FAM135B: variants seen among roughly 807,000 people sequenced by gnomAD.
FAM135B encodes the protein family with sequence similarity 135 member B, also known as protein FAM135B.
In FAM135B, 43 loss-of-function variants were observed where a neutral mutation model predicts 127.7. The ratio of observed to expected loss-of-function variants is 0.34; its 90% confidence interval spans 0.26 to 0.43. FAM135B has a LOEUF of 0.43. Among genes scored for constraint, FAM135B ranks in the 20% least tolerant of loss-of-function variants. The probability of loss-of-function intolerance (pLI) is 1.00; values close to 1 mark genes in which losing one functional copy is unlikely to be tolerated. For synonymous variants in FAM135B, 670 were observed against 665.1 expected, an observed-to-expected ratio of 1.01 and a Z score of -0.11; for missense variants, 1,558 against 1,725.6, an observed-to-expected ratio of 0.90 and a Z score of 1.72.
At chr8:138,185,680 T>A (rs7004639) in intron 9 of FAM135B, among the ~76,000 whole-genome samples, 1 of 152,082 alleles carries the variant, frequency 6.6e-6, no homozygotes, top group African/African-American at 2.4e-5. Flanking sequence ...CAATTTGGGA[T>A]CTCCCAGAAG....
chr8:138,462,937 C>G (rs1837208080), intron 1 of FAM135B, among the ~76,000 whole-genome samples: 2 of 152,156 alleles, frequency 1.3e-5, no homozygotes, highest in African/African-American at 2.4e-5. Flanking sequence ...TCTGTATTCT[C>G]ATCCAAAAAT....
At chr8:138,268,658 C>T (rs1173782629) in intron 3 of FAM135B, among the ~76,000 whole-genome samples, 1 of 152,162 alleles carries the variant, frequency 6.6e-6, no homozygotes, top group Non-Finnish European at 1.5e-5. Flanking sequence ...ACCCACTATC[C>T]TCACTCCTCC....
intron 3 of FAM135B, among the ~76,000 whole-genome samples, chr8:138,278,497 C>T (rs901866659): frequency 2.0e-5 from 3 of 150,736 alleles, no homozygotes; most frequent in Non-Finnish European, 4.4e-5. Flanking sequence ...CTTTAGACCA[C>T]TGTGGTACTG....
chr8:138,445,280 G>A (rs1232659605), intron 1 of FAM135B, among the ~76,000 whole-genome samples: 2 of 152,086 alleles, frequency 1.3e-5, no homozygotes, highest in Non-Finnish European at 1.5e-5. Flanking sequence ...AGAAAAAGAG[G>A]GAATCCTCCC....
chr8:138,222,376 A>G (rs943091026), intron 7 of FAM135B, among the ~76,000 whole-genome samples: 2 of 152,030 alleles, frequency 1.3e-5, no homozygotes, highest in Non-Finnish European at 2.9e-5. Context: ...TATTTATTCT[A>G]TATATGCCCC....
Position 138,394,979 on chromosome 8 carries a change from G to A in FAM135B, c.-19-26977C>T, listed in dbSNP as rs115823830. Among the ~76,000 whole-genome samples the A allele has an allele frequency of 2.3e-3, 356 of 152,254 alleles. 1 individual carries two copies. The highest frequency in any genetic ancestry group is 8.3e-3 in the African/African-American group (343 of 41,546). ...CAAATCATTTAATGGACATGATTGGGTCACTTGTGTCCCTTCTCTTGACTT... is the reference window on the plus strand; with the variant it reads ...CAAATCATTTAATGGACATGATTGGATCACTTGTGTCCCTTCTCTTGACTT... On this transcript the variant is annotated intron_variant, in intron 1 of 19. Transcript: ENST00000395297.
At chr8:138,435,296 CA>C (rs974266694) in intron 1 of FAM135B, among the ~76,000 whole-genome samples, 3 of 150,942 alleles carry the variant, frequency 2.0e-5, no homozygotes, top group African/African-American at 7.3e-5. Context: ...GACTCCATCT[CA>C]AAAAAATAAA....
At chr8:138,270,971 C>T (rs1014247926) in intron 3 of FAM135B, among the ~76,000 whole-genome samples, 5 of 152,220 alleles carry the variant, frequency 3.3e-5, no homozygotes, top group African/African-American at 1.2e-4. Flanking sequence ...ATTCTAAAGA[C>T]CTATGCTTCA....
chr8:138,333,938 G>T (rs898317761), intron 2 of FAM135B, among the ~76,000 whole-genome samples: 2 of 151,988 alleles, frequency 1.3e-5, no homozygotes, highest in African/African-American at 4.8e-5. Context: ...AGGGGAGGGG[G>T]GAACGGAGGA....
In FAM135B at chr8:138,218,764, C is replaced by CAG. The variant is rs1462758998; in HGVS notation, c.670-21096_670-21095insCT. On this transcript the variant is annotated intron_variant, in intron 7 of 19. Transcript: ENST00000395297. ...TCCCAAACTTACACGCACACACACA[C>CAG]ACAGAGAGAGAGAGAGAGAGAGAGA... Among the ~76,000 whole-genome samples, 20 of 67,482 alleles carry CAG rather than the reference C, an allele frequency of 3.0e-4. No homozygotes were observed. The South Asian group carries it at 4.5e-3, about 15-fold the overall frequency. The allele number at this position is 67,482 out of a possible 152,430, so 44.3% of individuals were successfully genotyped here.
chr8:138,482,753 A>C (rs1814833925), intron 1 of FAM135B, among the ~76,000 whole-genome samples: 1 of 152,240 alleles, frequency 6.6e-6, no homozygotes, highest in African/African-American at 2.4e-5. Context: ...GACCAATGCC[A>C]GTAGCAAAGT....
In FAM135B at chr8:138,371,763, T is replaced by A. The variant is rs144291544; in HGVS notation, c.-19-3761A>T. On this transcript the variant is annotated intron_variant, in intron 1 of 19. Coordinates refer to ENST00000395297, the MANE Select transcript of FAM135B (RefSeq NM_015912.4). The stretch of plus-strand genomic sequence containing the variant: ...CCCAACCCGAAATACACCGGCACCA[T>A]GTGCACACACACCACAGACATCTTC... 1.9e-4 allele frequency among the ~76,000 whole-genome samples: 29 copies of A among 152,280 alleles called. No individual in the cohort carries two copies. In the East Asian group the frequency reaches 3.9e-3, roughly 20 times the overall value.
intron 1 of FAM135B, among the ~76,000 whole-genome samples, chr8:138,394,515 T>C (rs1832756348): frequency 6.6e-6 from 1 of 152,116 alleles, no homozygotes; most frequent in Admixed American, 6.5e-5. Flanking sequence ...ATTATTCAGG[T>C]CTTGCCAATA....
chr8:138,208,487 T>G (rs961935331), intron 7 of FAM135B, among the ~76,000 whole-genome samples: 2 of 152,222 alleles, frequency 1.3e-5, no homozygotes, highest in African/African-American at 4.8e-5. Context: ...TTTATCAGCA[T>G]TTTTAAAAAA....
Position 138,453,266 on chromosome 8 carries a change from G to A in FAM135B, c.-20+43405C>T, listed in dbSNP as rs185494751. ...CCCCGCATTCAGAAATCCCACTTGCGAAAAGTTCACATTACAAACAGATGC... is the reference window on the plus strand; with the variant it reads ...CCCCGCATTCAGAAATCCCACTTGCAAAAAGTTCACATTACAAACAGATGC... On this transcript the variant is annotated intron_variant, in intron 1 of 19. Transcript: ENST00000395297. 5.1e-4 allele frequency among the ~76,000 whole-genome samples: 78 copies of A among 152,196 alleles called. 1 individual carries two copies. Among genetic ancestry groups the A allele is most frequent in the African/African-American group, 1.7e-3 (71 of 41,538 alleles).
intron 4 of FAM135B, among the ~76,000 whole-genome samples, chr8:138,262,774 C>T (rs1586914063): frequency 6.6e-6 from 1 of 151,608 alleles, no homozygotes; most frequent in South Asian, 2.1e-4. Context: ...TGGTGGCGGG[C>T]CACTGTAATC....
chr8:138,320,655 A>T (rs1419687077), intron 2 of FAM135B, among the ~76,000 whole-genome samples: 1 of 152,196 alleles, frequency 6.6e-6, no homozygotes, highest in Non-Finnish European at 1.5e-5. Flanking sequence ...TTCTCAGTTG[A>T]TTAGAGAAAT....
rs112803082 is a variant in FAM135B, at chr8:138,494,836, T to TAA, written c.-20+1833_-20+1834dup. Among the ~76,000 whole-genome samples the TAA allele has an allele frequency of 1.0e-3, 108 of 105,682 alleles. No homozygotes were observed. The East Asian group carries it at 0.015, about 14-fold the overall frequency. 69.3% of individuals were successfully genotyped at this position (105,682 alleles called of 152,430 possible). On this transcript the variant is annotated intron_variant, in intron 1 of 19. Transcript: ENST00000395297. Reference sequence around the variant, plus strand: ...TCTGTCTAAATCTCTGTTTATACTGTAAAAAAAAAAAAAAAACTTAATCCA... The same window carrying TAA: ...TCTGTCTAAATCTCTGTTTATACTGTAAAAAAAAAAAAAAAAAACTTAATCCA...
intron 9 of FAM135B, among the ~76,000 whole-genome samples, chr8:138,191,765 T>C (rs1461849692): frequency 2.0e-5 from 3 of 152,226 alleles, no homozygotes; most frequent in Non-Finnish European, 4.4e-5. Flanking sequence ...CATTTAACCA[T>C]ATTCCCTGCC....
Sources: allele counts gnomAD v4.1 joint callset (sites outside exome capture counted in the v4.1 genomes callset), GRCh38; gene constraint gnomAD v4.1.1; transcripts MANE v1.5; gene names NCBI Gene and HGNC (gene_info 2026-07-23, HGNC 2026-07-21).